Variants in DOCK1 observed in about 807,000 individuals in gnomAD.
DOCK1 encodes the protein dedicator of cytokinesis 1.
Under a neutral mutation model 262.7 loss-of-function variants are expected in DOCK1, and 138 were observed. The ratio of observed to expected loss-of-function variants is 0.53; its 90% CI spans 0.46 to 0.61. The LOEUF is 0.61. DOCK1 is among the 20% of genes least tolerant of loss of function. The pLI, the probability that DOCK1 is intolerant of heterozygous loss-of-function variation, is 0.00. For missense variants in DOCK1, 1,908 were observed against 2,370.7 expected, an observed-to-expected ratio of 0.80 and a Z score of 4.05; for synonymous variants, 866 against 867.4, an observed-to-expected ratio of 1.00 and a Z score of 0.03.
chr10:127,077,212 T>C (rs1331575409), intron 23 of DOCK1, among the ~76,000 whole-genome samples: 1 of 151,924 alleles, frequency 6.6e-6, no homozygotes, highest in Non-Finnish European at 1.5e-5. Flanking sequence ...CTGGCCAACA[T>C]GGTGAAGCTC....
At chr10:127,410,085 C>T (rs1448723916) in intron 42 of DOCK1, among the ~76,000 whole-genome samples, 1 of 152,198 alleles carries the variant, frequency 6.6e-6, no homozygotes, top group Non-Finnish European at 1.5e-5. Flanking sequence ...ACCTCATATT[C>T]CTTAGGATCA....
At chr10:127,254,309 T>C (rs1000055640) in intron 28 of DOCK1, among the ~76,000 whole-genome samples, 5 of 152,234 alleles carry the variant, frequency 3.3e-5, no homozygotes, top group Admixed American at 2.0e-4. Flanking sequence ...TTTTGTAGAC[T>C]ATCTCCCATT....
At chr10:127,052,357 C>T (rs1280102970) in intron 21 of DOCK1, among the ~76,000 whole-genome samples, 1 of 149,200 alleles carries the variant, frequency 6.7e-6, no homozygotes, top group Non-Finnish European at 1.5e-5. Context: ...GCTCCTGTCT[C>T]TACTAAAATA....
At position 126,980,955 on chromosome 10, in the gene DOCK1, T is replaced by G. The variant is rs542295163; in HGVS notation, c.172-963T>G. ...AAAGCAGGACCCTACGTTTTTTTTT[T>G]TTTTTTTCCTGAGGCGGAGTCTCGC... On this transcript the variant is annotated intron_variant, in intron 3 of 51. Coordinates refer to ENST00000623213, the MANE Select transcript of DOCK1 (RefSeq NM_001290223.2). Among the ~76,000 whole-genome samples the G allele has an allele frequency of 3.3e-4, 50 of 151,098 alleles. 1 individual carries two copies. The South Asian group carries it at 6.3e-3, about 19-fold the overall frequency.
intron 2 of DOCK1, among the ~76,000 whole-genome samples, chr10:126,973,871 A>G (rs577118343): frequency 4.0e-5 from 6 of 151,854 alleles, no homozygotes; most frequent in Admixed American, 6.6e-5. Context: ...TGGTTTAGCA[A>G]GTTTGATTTT....
At chr10:127,293,068 C>A (rs2061398840) in intron 29 of DOCK1, among the ~76,000 whole-genome samples, 1 of 152,206 alleles carries the variant, frequency 6.6e-6, no homozygotes, top group African/African-American at 2.4e-5. Flanking sequence ...GGGGATCTAT[C>A]TGCTAGTAGC....
At chr10:126,928,485 C>T (rs1441988924) in intron 1 of DOCK1, among the ~76,000 whole-genome samples, 1 of 151,876 alleles carries the variant, frequency 6.6e-6, no homozygotes, top group African/African-American at 2.4e-5. Flanking sequence ...AGAGGAGGGA[C>T]ACATGAGAAC....
intron 23 of DOCK1, among the ~76,000 whole-genome samples, chr10:127,099,489 G>A (rs2048107394): frequency 6.6e-6 from 1 of 152,174 alleles, no homozygotes; most frequent in South Asian, 2.1e-4. Context: ...AGGGTGCACA[G>A]GAAGCATAGT....
intron 23 of DOCK1, among the ~76,000 whole-genome samples, chr10:127,077,419 AC>A (rs1261202450): frequency 2.0e-5 from 3 of 152,132 alleles, no homozygotes; most frequent in Non-Finnish European, 2.9e-5. Context: ...AAAAGTTCTT[AC>A]CAAGAAAGCA....
chr10:127,235,620 C>G (rs572772098), intron 27 of DOCK1, among the ~76,000 whole-genome samples: 98 of 152,112 alleles, frequency 6.4e-4, no homozygotes, highest in African/African-American at 2.2e-3. Context: ...GTGGGCATAT[C>G]TTTTCATTTC....
chr10:126,949,761 C>G (rs2036026661), intron 1 of DOCK1, among the ~76,000 whole-genome samples: 1 of 152,030 alleles, frequency 6.6e-6, no homozygotes, highest in Non-Finnish European at 1.5e-5. Context: ...TGTGACAGTC[C>G]TTGTATGATA....
At chr10:127,152,374 G>T (rs1159197065) in intron 27 of DOCK1, among the ~76,000 whole-genome samples, 1 of 152,250 alleles carries the variant, frequency 6.6e-6, no homozygotes, top group Non-Finnish European at 1.5e-5. Flanking sequence ...AATTGTTGAA[G>T]AAAAGACCTG....
intron 27 of DOCK1, chr10:127,145,850 C>T (rs757845015): frequency 1.9e-5 from 7 of 369,026 alleles, no homozygotes; most frequent in Non-Finnish European, 3.7e-5. Context: ...ACACGGAAAC[C>T]ATTAGCTGCT....
At position 127,097,322 on chromosome 10, in the gene DOCK1, G is replaced by C. The variant is rs73374782; in HGVS notation, c.2446-8909G>C. 9.6e-3 allele frequency among the ~76,000 whole-genome samples: 1,468 copies of C among 152,232 alleles called. 23 individuals are homozygous for C. The highest frequency in any genetic ancestry group is 0.033 in the African/African-American group (1,374 of 41,532). On this transcript the variant is annotated intron_variant, in intron 23 of 51. Transcript: ENST00000623213. ...GAGTTCCTGATTGCCTGGATATTAAGAGGTGAACCAAATCTTAAGAGGGAC... is the reference window on the plus strand; with the variant it reads ...GAGTTCCTGATTGCCTGGATATTAACAGGTGAACCAAATCTTAAGAGGGAC...
intron 1 of DOCK1, among the ~76,000 whole-genome samples, chr10:126,937,828 T>C (rs2034658094): frequency 6.6e-6 from 1 of 152,196 alleles, no homozygotes; most frequent in South Asian, 2.1e-4. Flanking sequence ...TCTCCTTTGA[T>C]ACACAAAAGT....
At chr10:127,259,068 G>A (rs553259605) in intron 29 of DOCK1, among the ~76,000 whole-genome samples, 4 of 152,294 alleles carry the variant, frequency 2.6e-5, no homozygotes, top group East Asian at 1.9e-4. Flanking sequence ...TTCACCCCGC[G>A]TCAGATGTTA....
intron 29 of DOCK1, among the ~76,000 whole-genome samples, chr10:127,306,607 CAG>C (rs1156933836): frequency 1.3e-5 from 2 of 152,190 alleles, no homozygotes; most frequent in South Asian, 2.1e-4. Context: ...TTCTTTCACA[CAG>C]GGGTTTATCC....
intron 1 of DOCK1, among the ~76,000 whole-genome samples, chr10:126,929,339 A>G (rs2134170099): frequency 6.6e-6 from 1 of 152,284 alleles, no homozygotes; most frequent in East Asian, 1.9e-4. Flanking sequence ...TGTTTTCATG[A>G]GGATTCAGTG....
chr10:126,982,417 T>G (rs887343502), intron 4 of DOCK1, among the ~76,000 whole-genome samples: 3 of 152,186 alleles, frequency 2.0e-5, no homozygotes, highest in Non-Finnish European at 4.4e-5. Context: ...TGTCTAATTG[T>G]GATGTATGTT....
Sources: gnomAD v4.1 joint callset for allele counts (sites outside exome capture counted in the v4.1 genomes callset) on GRCh38, gnomAD v4.1.1 for gene constraint, MANE v1.5 for transcripts, NCBI Gene and HGNC (gene_info 2026-07-23, HGNC 2026-07-21) for gene names.